The following KLRC4 variants were observed in gnomAD, a reference collection of about 807,000 sequenced individuals.
The protein encoded by KLRC4 is killer cell lectin like receptor C4.
In KLRC4, 6 loss-of-function variants were observed where a neutral mutation model predicts 14.3. That is an observed-to-expected ratio of 0.42 (90% confidence interval 0.23 to 0.83). The LOEUF (loss-of-function observed/expected upper bound fraction) is 0.83, where lower values mean the gene tolerates loss of function less well. KLRC4 is among the 40% of genes least tolerant of loss of function. The probability of loss-of-function intolerance (pLI) is 0.29; values close to 1 mark genes in which losing one functional copy is unlikely to be tolerated. For missense variants in KLRC4, 158 were observed against 179.4 expected (o/e 0.88, Z 0.68); for synonymous variants, 53 against 60.5 (o/e 0.88, Z 0.57).
At chr12:10,408,206 TA>T in intron 3 of KLRC4, 122 bp downstream of exon 3, 1 of 641,122 alleles carries the variant, frequency 1.6e-6, no homozygotes, top group South Asian at 2.0e-5. Context: ...ATCTTTATTT[TA>T]TAAACATTTA....
Position 10,409,015 on chromosome 12 carries a change from A to C in KLRC4, c.188-5T>G. 1 of 1,613,674 alleles carries C rather than the reference A, an allele frequency of 6.2e-7. No individual in the cohort carries two copies. Among genetic ancestry groups the C allele is most frequent in the Non-Finnish European group, 8.5e-7 (1 of 1,179,682 alleles). ...TCTCTGGAGGTGGCAGTAAACCTGC[A>C]GGGAGAGAAAGAGGCACTGAGAGAG... On this transcript the variant is annotated splice_region_variant and splice_polypyrimidine_tract_variant and intron_variant, in intron 1 of 3. Transcript: ENST00000309384.
Position 10,407,637 on chromosome 12 carries a change from A to G in KLRC4, c.*16T>C. On this transcript the variant is annotated 3_prime_UTR_variant, in exon 4 of 4. Transcript: ENST00000309384. ...AGTGTTGAAACATTTACGTCTTACC[A>G]TTTCTTCCTCATTATCTATAGAAAG... is the stretch of plus-strand genomic sequence containing the variant. 1 of 1,610,060 alleles carries G rather than the reference A, an allele frequency of 6.2e-7. No individual in the cohort carries two copies. Among genetic ancestry groups the G allele is most frequent in the Non-Finnish European group, 8.5e-7 (1 of 1,178,710 alleles).
In KLRC4 at chr12:10,408,329, C is replaced by T; in HGVS notation, c.340G>A (p.Ala114Thr). 1 of 1,480,654 alleles carries T rather than the reference C, an allele frequency of 6.8e-7. No homozygotes were observed. The allele number at this position is 1,480,654 out of a possible 1,614,324, so 91.7% of individuals were successfully genotyped here. Residue 114 changes from alanine to threonine, a missense_variant and splice_region_variant, in exon 3 of 4, where the codon GCA (alanine) becomes ACA (threonine). By Grantham distance (58) the Ala-to-Thr change is moderately conservative. Coordinates refer to ENST00000309384, the MANE Select transcript of KLRC4 (RefSeq NM_013431.2). ...NFSLNRRMQK[A>T]RHCGHCPEEW... ...CAGAACATTGACAATCATAATGTAC[C>T]TTTCTGCATTCTTCTATTCAGGGAA... is the stretch of plus-strand genomic sequence containing the variant.
chr12:10,407,775 G>A lies in KLRC4; in HGVS notation c.355C>T (p.His119Tyr). The A allele has an allele frequency of 6.2e-7, 1 of 1,605,818 alleles. No homozygotes were observed. Among genetic ancestry groups the A allele is most frequent in the Non-Finnish European group, 8.5e-7 (1 of 1,176,804 alleles). Reference sequence around the variant, plus strand: ...TATGTAATCCACTCCTCAGGACAATGGCCACAATGACGTGCTAAATAAAAA... The same window carrying A: ...TATGTAATCCACTCCTCAGGACAATAGCCACAATGACGTGCTAAATAAAAA... ...RRMQKARHCGHCPEEWITYSN... is the reference protein window; with the variant it reads ...RRMQKARHCGYCPEEWITYSN... Residue 119 changes from histidine to tyrosine, a missense_variant, in exon 4 of 4, where the codon CAT becomes TAT. By Grantham distance (83) the His-to-Tyr change is moderately conservative. Coordinates refer to ENST00000309384, the MANE Select transcript of KLRC4 (RefSeq NM_013431.2).
intron 3 of KLRC4, 85 bp from the exon 4 acceptor site, chr12:10,407,874 AG>A: frequency 6.7e-7 from 1 of 1,491,816 alleles, no homozygotes. Context: ...ATAAACATAC[AG>A]GTACACAATA....
rs1377911932 is a variant in KLRC4 at position 10,407,431 on chromosome 12, T to C, written c.*222A>G. The C allele has an allele frequency of 6.3e-6, 3 of 476,706 alleles. No individual in the cohort carries two copies. The highest frequency in any genetic ancestry group is 2.0e-5 in the African/African-American group (1 of 49,814). 29.5% of individuals were successfully genotyped at this position (476,706 alleles called of 1,614,324 possible). A position where few individuals can be genotyped will look rare whatever the true frequency, so the allele number is the denominator to read the frequency against. ...TGTGATAAAAACATTTATAGAAGCA[T>C]GGGTTTCCATGAAAAGCAAAACTGG... On this transcript the variant is annotated 3_prime_UTR_variant, in exon 4 of 4. Transcript: ENST00000309384.
rs1863555083 is a variant in KLRC4, at chr12:10,409,678, C to A, written c.-103G>T. ...CAGGATCCCTGGTATAGGCAAACTG[C>A]ATGTGTTGGAGGCTGAGTAGTAATG... On this transcript the variant is annotated 5_prime_UTR_variant, in exon 1 of 4. The change abolishes an upstream ATG in the 5' untranslated region. Coordinates refer to ENST00000309384, the MANE Select transcript of KLRC4 (RefSeq NM_013431.2). 1.1e-5 allele frequency: 16 copies of A among 1,442,976 alleles called. No homozygotes were observed. Among genetic ancestry groups the A allele is most frequent in the Non-Finnish European group, 1.5e-5 (16 of 1,077,060 alleles). The allele number at this position is 1,442,976 out of a possible 1,614,324, so 89.4% of individuals were successfully genotyped here.
intron 2 of KLRC4, among the ~76,000 whole-genome samples, 185 bp downstream of exon 2, chr12:10,408,726 AT>A (rs1475289425): frequency 2.0e-5 from 3 of 152,030 alleles, no homozygotes; most frequent in Admixed American, 6.6e-5. Context: ...ACACAAAAAA[AT>A]AAATGTTTTC....
At chr12:10,409,355 A>T (rs1435834990) in intron 1 of KLRC4, 34 bp downstream of exon 1, 1 of 1,584,834 alleles carries the variant, frequency 6.3e-7, no homozygotes. Flanking sequence ...CACATCCTAG[A>T]ACAATAATAT....
At chr12:10,408,882 T>C (rs1167494020) in intron 2 of KLRC4, 30 bp downstream of exon 2, 68 of 1,612,834 alleles carry the variant, frequency 4.2e-5, no homozygotes, top group Non-Finnish European at 5.1e-5. Flanking sequence ...AGTGAAAAGT[T>C]CCCTTATAAT....
At position 10,407,697 on chromosome 12, in the gene KLRC4, CTCTT is replaced by C. The variant is rs1472878045; in HGVS notation, c.429_432del (p.Arg144PhefsTer10). 3 of 1,613,832 alleles carry C rather than the reference CTCTT, an allele frequency of 1.9e-6. No individual in the cohort carries two copies. Among genetic ancestry groups the C allele is most frequent in the Non-Finnish European group, 1.7e-6 (2 of 1,179,828 alleles). ...GTTCTTCGAAGCACAGGCCAGCAAA[CTCTT>C]TCTTCCCAAGTTCTTCTTTCCTTAC... On this transcript the variant is annotated frameshift_variant, in exon 4 of 4. Transcript: ENST00000309384. LOFTEE classifies it low-confidence loss of function (END_TRUNC).
intron 1 of KLRC4, 59 bp from the exon 2 acceptor site, chr12:10,409,069 A>G (rs1863545225): frequency 1.9e-6 from 3 of 1,588,810 alleles, no homozygotes; most frequent in Non-Finnish European, 2.6e-6. Flanking sequence ...GAGAAGGTTT[A>G]CGTACAAGAG....
intron 3 of KLRC4, 32 bp from the exon 4 acceptor site, chr12:10,407,821 AAT>A (rs1565500066): frequency 6.3e-7 from 1 of 1,588,614 alleles, no homozygotes; most frequent in South Asian, 1.2e-5. Flanking sequence ...TATGCAAAAC[AAT>A]ATGTTTACAA....
Position 10,409,400 on chromosome 12 carries a change from T to G in KLRC4, c.176A>C (p.Tyr59Ser). 6.2e-7 allele frequency: 1 copy of G among 1,609,584 alleles called. No homozygotes were observed. Among genetic ancestry groups the G allele is most frequent in the Non-Finnish European group, 8.5e-7 (1 of 1,175,742 alleles). The change falls in exon 1 of 4, where the codon TAT (tyrosine) becomes TCT (serine). Residue 59 changes from tyrosine to serine, a missense_variant. Physicochemically the swap from Tyr to Ser is moderately radical, Grantham distance 144. Coordinates refer to ENST00000309384, the MANE Select transcript of KLRC4 (RefSeq NM_013431.2). The part of the protein sequence containing the change: ...SSDHQGNDKT[Y>S]HCKGLLPPPE... ...ATTTAATGTTTTACCTTTGCAGTGA[T>G]ATGTCTTGTCATTCCCTTGATGATC...
At position 10,409,663 on chromosome 12, in the gene KLRC4, G is replaced by A. The variant is rs901907600; in HGVS notation, c.-88C>T. 1.4e-6 allele frequency: 2 copies of A among 1,476,936 alleles called. No homozygotes were observed. The highest frequency in any genetic ancestry group is 4.6e-5 in the East Asian group (2 of 43,236). The allele number at this position is 1,476,936 out of a possible 1,614,324, so 91.5% of individuals were successfully genotyped here. A position where few individuals can be genotyped will look rare whatever the true frequency, so the allele number is the denominator to read the frequency against. ...TGGTGTATATTTTGACAGGATCCCT[G>A]GTATAGGCAAACTGCATGTGTTGGA... On this transcript the variant is annotated 5_prime_UTR_variant, in exon 1 of 4. It introduces an in-frame stop codon into an upstream open reading frame of the 5' UTR. Transcript: ENST00000309384.
chr12:10,407,835 TG>T, intron 3 of KLRC4, 46 bp from the exon 4 acceptor site: 1 of 1,571,026 alleles, frequency 6.4e-7, no homozygotes, highest in South Asian at 1.2e-5. Flanking sequence ...TGTTTACAAA[TG>T]AAAATTATTT....
At chr12:10,408,746 T>C (rs1863539953) in intron 2 of KLRC4, among the ~76,000 whole-genome samples, 166 bp downstream of exon 2, 1 of 152,176 alleles carries the variant, frequency 6.6e-6, no homozygotes, top group African/African-American at 2.4e-5. Flanking sequence ...TCTACAATTA[T>C]TCTGTTATTT....
Position 10,409,744 on chromosome 12 carries a change from T to G in KLRC4, c.-169A>C, listed in dbSNP as rs1266440876. The G allele has an allele frequency of 3.0e-6, 3 of 997,274 alleles. No homozygotes were observed. The highest frequency in any genetic ancestry group is 4.0e-6 in the Non-Finnish European group (3 of 752,502). The allele number at this position is 997,274 out of a possible 1,614,324, so 61.8% of individuals were successfully genotyped here. On this transcript the variant is annotated 5_prime_UTR_variant, in exon 1 of 4. Transcript: ENST00000309384. ...ACCAATATAAAAGTCTGGTACTAAT[T>G]TCCTAAAGTTTTAAACTGAAATCTC...
In KLRC4 at chr12:10,409,417, T is replaced by A; in HGVS notation, c.159A>T (p.Gln53His). The change falls in exon 1 of 4, where the codon CAA becomes CAT. Residue 53 changes from glutamine to histidine, a missense_variant. By Grantham distance (24) the Gln-to-His change is conservative. Transcript: ENST00000309384. ...TGCAGTGATATGTCTTGTCATTCCC[T>A]TGATGATCCGAAGAAGCATTTTGAA... Reference protein sequence around the residue: ...LNLQNASSDHQGNDKTYHCKG... With the variant: ...LNLQNASSDHHGNDKTYHCKG... The A allele has an allele frequency of 1.2e-6, 2 of 1,612,122 alleles. No individual in the cohort carries two copies. Among genetic ancestry groups the A allele is most frequent in the Non-Finnish European group, 1.7e-6 (2 of 1,178,096 alleles).
Sources: allele counts gnomAD v4.1 joint callset (sites outside exome capture counted in the v4.1 genomes callset), GRCh38; gene constraint gnomAD v4.1.1; transcripts MANE v1.5; gene names NCBI Gene and HGNC (gene_info 2026-07-23, HGNC 2026-07-21).